The following CTNNA2 variants were observed in gnomAD, a reference collection of about 807,000 sequenced individuals.
CTNNA2 encodes the protein catenin alpha-2.
CTNNA2 carries 42 observed loss-of-function variants against 101.0 expected under a neutral mutation model. That is an observed-to-expected ratio of 0.42 (90% CI 0.32 to 0.54). The LOEUF (loss-of-function observed/expected upper bound fraction) is 0.54, where lower values mean the gene tolerates loss of function less well. Ranked by LOEUF, CTNNA2 falls within the 20% of genes least tolerant of loss-of-function variation. The pLI, the probability that CTNNA2 is intolerant of heterozygous loss-of-function variation, is 0.14. For synonymous variants in CTNNA2, 450 were observed against 456.4 expected (o/e 0.99, Z 0.18); for missense variants, 871 against 1,223.1 (o/e 0.71, Z 4.29).
At chr2:79,708,616 A>C (rs2104796900) in intron 2 of CTNNA2, among the ~76,000 whole-genome samples, 1 of 152,254 alleles carries the variant, frequency 6.6e-6, no homozygotes, top group Admixed American at 6.5e-5. Context: ...TACTATATTA[A>C]ATTAAAATTA....
At chr2:80,467,991 A>ATTT (rs1684995380) in intron 9 of CTNNA2, among the ~76,000 whole-genome samples, 1 of 152,228 alleles carries the variant, frequency 6.6e-6, no homozygotes, top group African/African-American at 2.4e-5. Flanking sequence ...CAAACATAAT[A>ATTT]GAATATATTT....
At chr2:80,558,841 AT>A (rs56771184) in intron 12 of CTNNA2, among the ~76,000 whole-genome samples, 4,348 of 152,074 alleles carry the variant, frequency 0.029, 118 homozygotes, top group East Asian at 0.1. Flanking sequence ...CTGCCCATTG[AT>A]TTTTTTGTTT....
intron 4 of CTNNA2, among the ~76,000 whole-genome samples, chr2:79,391,802 TG>T (rs1678175971): frequency 6.6e-6 from 1 of 152,118 alleles, no homozygotes. Flanking sequence ...TACCACATGA[TG>T]GGGTAGTTTA....
At chr2:79,404,015 T>C (rs961074959) in intron 4 of CTNNA2, among the ~76,000 whole-genome samples, 2 of 151,912 alleles carry the variant, frequency 1.3e-5, no homozygotes, top group African/African-American at 4.8e-5. Flanking sequence ...TCTGTTATTT[T>C]GAGCTAGTTC....
intron 7 of CTNNA2, among the ~76,000 whole-genome samples, chr2:80,309,082 C>T (rs1289580086): frequency 6.6e-6 from 1 of 151,674 alleles, no homozygotes; most frequent in East Asian, 1.9e-4. Flanking sequence ...GAGTGAGACT[C>T]TGTCTCAGAA....
At chr2:80,277,635 A>G (rs1246958026) in intron 7 of CTNNA2, among the ~76,000 whole-genome samples, 2 of 151,838 alleles carry the variant, frequency 1.3e-5, no homozygotes, top group Non-Finnish European at 2.9e-5. Flanking sequence ...GAAAATAGGG[A>G]CCTTCTGGTG....
intron 2 of CTNNA2, among the ~76,000 whole-genome samples, chr2:79,290,844 A>C (rs1480573352): frequency 1.3e-5 from 2 of 152,182 alleles, no homozygotes; most frequent in African/African-American, 2.4e-5. Flanking sequence ...CTGGTACACC[A>C]AGGCAAGAAA....
intron 8 of CTNNA2, among the ~76,000 whole-genome samples, chr2:80,413,162 G>T (rs1412975415): frequency 1.3e-5 from 2 of 152,112 alleles, no homozygotes; most frequent in African/African-American, 4.8e-5. Context: ...TGTTGATCTG[G>T]CTGTTGATCT....
chr2:79,490,190 T>A (rs2104563888), intron 4 of CTNNA2, among the ~76,000 whole-genome samples: 1 of 152,324 alleles, frequency 6.6e-6, no homozygotes, highest in African/African-American at 2.4e-5. Flanking sequence ...CTACCTGCAA[T>A]TTCTTGCTCT....
chr2:80,095,630 T>C (rs907365688), intron 7 of CTNNA2, among the ~76,000 whole-genome samples: 1 of 152,212 alleles, frequency 6.6e-6, no homozygotes, highest in Non-Finnish European at 1.5e-5. Flanking sequence ...ATCCGTCTGG[T>C]CCTGGACTTT....
chr2:79,200,538 T>C (rs1674021109), intron 2 of CTNNA2, among the ~76,000 whole-genome samples: 1 of 152,194 alleles, frequency 6.6e-6, no homozygotes, highest in Non-Finnish European at 1.5e-5. Flanking sequence ...CTTCTCCATT[T>C]TCTGTAAGGA....
intron 3 of CTNNA2, among the ~76,000 whole-genome samples, chr2:79,819,772 G>T (rs1287387578): frequency 6.6e-6 from 1 of 151,996 alleles, no homozygotes; most frequent in Non-Finnish European, 1.5e-5. Context: ...TGTACATATT[G>T]TATATTTCAT....
intron 7 of CTNNA2, among the ~76,000 whole-genome samples, chr2:80,329,338 C>T (rs1003292518): frequency 6.6e-6 from 1 of 152,116 alleles, no homozygotes; most frequent in Non-Finnish European, 1.5e-5. Flanking sequence ...AGAGAAAATT[C>T]TCATATTATG....
At chr2:79,735,428 C>T (rs1204884708) in intron 2 of CTNNA2, among the ~76,000 whole-genome samples, 2 of 152,088 alleles carry the variant, frequency 1.3e-5, no homozygotes, top group African/African-American at 4.8e-5. Flanking sequence ...ATGCTCTACT[C>T]CATAACTTGA....
At chr2:80,641,717 G>C (rs1673507663) in intron 18 of CTNNA2, among the ~76,000 whole-genome samples, 1 of 152,022 alleles carries the variant, frequency 6.6e-6, no homozygotes, top group Non-Finnish European at 1.5e-5. Context: ...AACCAAGGAA[G>C]GTTATTTTCT....
At position 79,414,093 on chromosome 2, in the gene CTNNA2, T is replaced by C. The variant is rs186475455; in HGVS notation, c.-135+40080T>C. Among the ~76,000 whole-genome samples the C allele has an allele frequency of 2.8e-4, 42 of 151,866 alleles. No homozygotes were observed. In the East Asian group the frequency reaches 5.8e-3, roughly 21 times the overall value. ...ACCAGCATAACTAAATTTTCATATATATAAAATTTAGGAAAACAGCCAGTA... is the reference window on the plus strand; with the variant it reads ...ACCAGCATAACTAAATTTTCATATACATAAAATTTAGGAAAACAGCCAGTA... On this transcript the variant is annotated intron_variant, in intron 4 of 21. Transcript: ENST00000466387.
intron 18 of CTNNA2, among the ~76,000 whole-genome samples, chr2:80,624,229 G>C (rs951435643): frequency 7.4e-6 from 1 of 134,844 alleles, no homozygotes; most frequent in Non-Finnish European, 1.7e-5. Context: ...CTTTAATTAA[G>C]TGAACTTCCT....
chr2:80,490,900 C>T (rs983811065), intron 9 of CTNNA2, among the ~76,000 whole-genome samples: 5 of 152,168 alleles, frequency 3.3e-5, no homozygotes, highest in East Asian at 1.9e-4. Context: ...GCCATCTTTT[C>T]GTATGAACTG....
At chr2:79,822,448 C>G (rs1215966373) in intron 3 of CTNNA2, among the ~76,000 whole-genome samples, 1 of 152,090 alleles carries the variant, frequency 6.6e-6, no homozygotes, top group Non-Finnish European at 1.5e-5. Context: ...AATCTTATAG[C>G]ACTGTGTCAA....
Sources: gnomAD v4.1 joint callset for allele counts (sites outside exome capture counted in the v4.1 genomes callset) on GRCh38, gnomAD v4.1.1 for gene constraint, MANE v1.5 for transcripts, NCBI Gene and HGNC (gene_info 2026-07-23, HGNC 2026-07-21) for gene names.